The following SVIL variants were observed in gnomAD, a reference collection of about 807,000 sequenced individuals.
SVIL encodes archvillin.
In SVIL, 101 loss-of-function variants were observed where a neutral mutation model predicts 240.4. That is an observed-to-expected ratio of 0.42 (90% CI 0.36 to 0.50). The LOEUF (loss-of-function observed/expected upper bound fraction) is 0.50. Among genes scored for constraint, SVIL ranks in the 20% least tolerant of loss-of-function variants. The probability of loss-of-function intolerance (pLI) is 0.01; values close to 1 mark genes in which losing one functional copy is unlikely to be tolerated. For missense variants in SVIL, 2,512 were observed against 2,818.7 expected (o/e 0.89, Z 2.46); for synonymous variants, 999 against 1,100.0 (o/e 0.91, Z 1.82).
At chr10:29,731,154 C>A (rs567097231) in intron 1 of SVIL, among the ~76,000 whole-genome samples, 1 of 144,246 alleles carries the variant, frequency 6.9e-6, no homozygotes, top group Non-Finnish European at 1.5e-5. Context: ...AAAGGTGCTG[C>A]CTCTGCTCTA....
At chr10:29,664,890 T>C (rs915935635) in intron 2 of SVIL, among the ~76,000 whole-genome samples, 1 of 152,036 alleles carries the variant, frequency 6.6e-6, no homozygotes, top group Non-Finnish European at 1.5e-5. Flanking sequence ...TACAATCATA[T>C]AAGTGTATTT....
At chr10:29,698,709 G>GA (rs71909536) in intron 1 of SVIL, among the ~76,000 whole-genome samples, 61 of 144,334 alleles carry the variant, frequency 4.2e-4, no homozygotes, top group South Asian at 1.7e-3. Context: ...ATTACTCCAG[G>GA]AAAAAAAAAA....
chr10:29,514,505 T>C (rs952489768), intron 16 of SVIL, among the ~76,000 whole-genome samples: 3 of 152,096 alleles, frequency 2.0e-5, no homozygotes, highest in Non-Finnish European at 1.5e-5. Flanking sequence ...GCCTCCAGAG[T>C]AGCTAGGACT....
chr10:29,571,437 A>G (rs1300910468), intron 1 of SVIL, among the ~76,000 whole-genome samples: 3 of 152,204 alleles, frequency 2.0e-5, no homozygotes, highest in Non-Finnish European at 4.4e-5. Context: ...AAACCTACAG[A>G]GACCCTCGTG....
chr10:29,734,314 A>G (rs1281153753), intron 1 of SVIL, among the ~76,000 whole-genome samples: 1 of 152,210 alleles, frequency 6.6e-6, no homozygotes, highest in Non-Finnish European at 1.5e-5. Context: ...ATCAAGCCCT[A>G]TAGCCTAGCA....
intron 1 of SVIL, among the ~76,000 whole-genome samples, chr10:29,633,009 G>A (rs1958163244): frequency 1.3e-5 from 2 of 152,070 alleles, no homozygotes; most frequent in Non-Finnish European, 2.9e-5. Flanking sequence ...CAAGGTGGGC[G>A]GATCACGAGG....
chr10:29,717,300 TCA>T (rs138793866), intron 1 of SVIL, among the ~76,000 whole-genome samples: 27,742 of 134,570 alleles, frequency 0.21, 3,310 homozygotes, highest in African/African-American at 0.37. Flanking sequence ...TTCACAGATA[TCA>T]CACACTATAT....
At chr10:29,715,264 C>T (rs1044606193) in intron 1 of SVIL, among the ~76,000 whole-genome samples, 1 of 152,202 alleles carries the variant, frequency 6.6e-6, no homozygotes, top group Non-Finnish European at 1.5e-5. Flanking sequence ...GTATTCAACA[C>T]ACAAACCACC....
chr10:29,560,344 C>T (rs985525238), intron 3 of SVIL, among the ~76,000 whole-genome samples: 4 of 152,184 alleles, frequency 2.6e-5, no homozygotes, highest in African/African-American at 4.8e-5. Context: ...CCAGAACCAA[C>T]GTAATCGCAT....
chr10:29,724,181 C>CT (rs386371080), intron 1 of SVIL, among the ~76,000 whole-genome samples: 3,643 of 144,450 alleles, frequency 0.025, 125 homozygotes, highest in East Asian at 0.081. Flanking sequence ...TGTTTTCTCT[C>CT]TTTTTTTTTT....
chr10:29,510,096 G>A (rs999491707), intron 17 of SVIL, among the ~76,000 whole-genome samples: 8 of 151,878 alleles, frequency 5.3e-5, no homozygotes, highest in African/African-American at 1.2e-4. Flanking sequence ...GTTTTACCAC[G>A]TTGCCCAAGC....
At chr10:29,671,583 A>G (rs1289011503) in intron 2 of SVIL, among the ~76,000 whole-genome samples, 1 of 152,206 alleles carries the variant, frequency 6.6e-6, no homozygotes, top group Non-Finnish European at 1.5e-5. Flanking sequence ...ACTTCCGATC[A>G]CATATCCCCT....
At chr10:29,507,018 C>T (rs1381216480) in intron 17 of SVIL, among the ~76,000 whole-genome samples, 4 of 152,104 alleles carry the variant, frequency 2.6e-5, no homozygotes, top group African/African-American at 9.7e-5. Flanking sequence ...TGTTATTCAC[C>T]CACACAGTGG....
At chr10:29,687,245 A>G (rs11597820) in intron 1 of SVIL, among the ~76,000 whole-genome samples, 29,966 of 152,270 alleles carry the variant, frequency 0.2, 3,301 homozygotes, top group African/African-American at 0.27. Flanking sequence ...CTTCCCTGGT[A>G]TAGAACAAAG....
At chr10:29,588,873 C>T (rs935859011) in intron 1 of SVIL, among the ~76,000 whole-genome samples, 18 of 152,124 alleles carry the variant, frequency 1.2e-4, no homozygotes, top group African/African-American at 4.3e-4. Context: ...ATCAGAGCCT[C>T]ACAAGAATGT....
At chr10:29,568,787 GTGGATGGATGGATGGATGGA>G (rs10667163) in intron 2 of SVIL, among the ~76,000 whole-genome samples, 2 of 139,690 alleles carry the variant, frequency 1.4e-5, no homozygotes, top group African/African-American at 5.1e-5. Context: ...GGGTGGATGG[GTGGATGGATGGATGGATGGA>G]TGGATGGATG....
chr10:29,474,642 T>G (rs1426237132), intron 29 of SVIL, among the ~76,000 whole-genome samples: 1 of 135,886 alleles, frequency 7.4e-6, no homozygotes, highest in African/African-American at 2.7e-5. Flanking sequence ...AATAAATAAA[T>G]AAAGTATTTG....
intron 1 of SVIL, among the ~76,000 whole-genome samples, chr10:29,699,278 A>AGTGG (rs1167971067): frequency 1.3e-4 from 20 of 152,140 alleles, no homozygotes; most frequent in African/African-American, 4.8e-4. Flanking sequence ...ACTGGCATGC[A>AGTGG]TCACCATGAC....
At chr10:29,546,332 G>A (rs4747662) in intron 6 of SVIL, among the ~76,000 whole-genome samples, 63,540 of 151,918 alleles carry the variant, frequency 0.42, 13,359 homozygotes, top group East Asian at 0.44. Flanking sequence ...GTATCTTATT[G>A]TTTTCTACTT....
Sources: allele counts gnomAD v4.1 joint callset (sites outside exome capture counted in the v4.1 genomes callset), GRCh38; gene constraint gnomAD v4.1.1; transcripts MANE v1.5; gene names NCBI Gene and HGNC (gene_info 2026-07-23, HGNC 2026-07-21).